NACC2: variants seen among roughly 807,000 people sequenced by gnomAD.
The protein encoded by NACC2 is nucleus accumbens-associated protein 2.
NACC2 carries 8 observed loss-of-function variants against 25.1 expected under a neutral mutation model. The observed-to-expected ratio is 0.32, with a 90% CI of 0.19 to 0.57. The LOEUF is 0.57. Among genes scored for constraint, NACC2 ranks in the 20% least tolerant of loss-of-function variants. NACC2 has a pLI of 0.89. For synonymous variants in NACC2, 435 were observed against 294.7 expected (o/e 1.48, Z -4.88); for missense variants, 644 against 650.2 (o/e 0.99, Z 0.10).
intron 2 of NACC2, among the ~76,000 whole-genome samples, chr9:136,017,491 G>C (rs915326642): frequency 6.6e-6 from 1 of 152,100 alleles, no homozygotes; most frequent in Non-Finnish European, 1.5e-5. Flanking sequence ...GCAATGCCTG[G>C]GGCTCCCACT....
intron 1 of NACC2, among the ~76,000 whole-genome samples, chr9:136,051,734 T>C (rs1201743860): frequency 6.6e-6 from 1 of 152,010 alleles, no homozygotes; most frequent in Non-Finnish European, 1.5e-5. Flanking sequence ...AGACCTACCT[T>C]CAGCCGCTGC....
In NACC2 at chr9:136,011,373, A is replaced by T; in HGVS notation, c.*143T>A. ...TGCATTTGTTTCCTTCATCAATTTT[A>T]AATACAAGCAGAATAAAAATCACAT... On this transcript the variant is annotated 3_prime_UTR_variant, in exon 6 of 6. Transcript: ENST00000277554. 1.0e-6 allele frequency: 1 copy of T among 962,650 alleles called. No individual in the cohort carries two copies. The highest frequency in any genetic ancestry group is 1.4e-6 in the Non-Finnish European group (1 of 723,400). 59.6% of individuals were successfully genotyped at this position (962,650 alleles called of 1,614,324 possible).
chr9:136,087,827 A>G (rs1449070762), intron 1 of NACC2, among the ~76,000 whole-genome samples: 1 of 152,190 alleles, frequency 6.6e-6, no homozygotes, highest in African/African-American at 2.4e-5. Flanking sequence ...CGAGGCCCCA[A>G]GCGCCCTGTC....
chr9:136,083,723 A>G (rs1325466277), intron 1 of NACC2, among the ~76,000 whole-genome samples: 3 of 152,186 alleles, frequency 2.0e-5, no homozygotes, highest in Admixed American at 6.5e-5. Flanking sequence ...TTTGGCCTCC[A>G]CCGCTGTGCA....
intron 1 of NACC2, among the ~76,000 whole-genome samples, chr9:136,089,387 G>A (rs1262259602): frequency 3.3e-5 from 5 of 152,040 alleles, no homozygotes; most frequent in East Asian, 3.9e-4. Flanking sequence ...CCTAGCACCC[G>A]CGAAGGCCTG....
intron 2 of NACC2, among the ~76,000 whole-genome samples, chr9:136,041,783 C>G (rs1840636524): frequency 6.6e-6 from 1 of 152,168 alleles, no homozygotes; most frequent in Non-Finnish European, 1.5e-5. Flanking sequence ...GCTATTACAT[C>G]TATGAATGAC....
intron 1 of NACC2, among the ~76,000 whole-genome samples, chr9:136,069,261 T>C (rs1454689329): frequency 1.3e-5 from 2 of 151,660 alleles, no homozygotes; most frequent in African/African-American, 4.9e-5. Context: ...AAATGTATTC[T>C]ATTGACTGGG....
chr9:136,080,891 C>A (rs991258063), intron 1 of NACC2, among the ~76,000 whole-genome samples: 2 of 152,178 alleles, frequency 1.3e-5, no homozygotes, highest in Admixed American at 6.5e-5. Context: ...GCCGCCCCTG[C>A]GTGCTAGGGT....
intron 2 of NACC2, among the ~76,000 whole-genome samples, chr9:136,044,812 G>A (rs1373060630): frequency 1.3e-5 from 2 of 152,344 alleles, no homozygotes; most frequent in East Asian, 3.9e-4. Flanking sequence ...AATGGTGGGG[G>A]GTGAGTGGCT....
chr9:136,012,824 C>G (rs549203683), intron 5 of NACC2, among the ~76,000 whole-genome samples: 1 of 152,228 alleles, frequency 6.6e-6, no homozygotes, highest in Non-Finnish European at 1.5e-5. Flanking sequence ...GGAGATGGAC[C>G]GGGCTCCGCC....
In NACC2 at chr9:136,012,720, C is replaced by A. The variant is rs545704085; in HGVS notation, c.1255+479G>T. ...AGATAGTGCTTCTTGGGCCGAGGGC[C>A]ACAGGAGGCTGTGCTCTTGGCCACC... On this transcript the variant is annotated intron_variant, in intron 5 of 5. Transcript: ENST00000277554. 1.5e-3 allele frequency among the ~76,000 whole-genome samples: 225 copies of A among 150,564 alleles called. 1 individual carries two copies. Among genetic ancestry groups the A allele is most frequent in the African/African-American group, 5.1e-3 (209 of 40,828 alleles).
chr9:136,035,691 T>A (rs1840540998), intron 2 of NACC2, among the ~76,000 whole-genome samples: 1 of 149,750 alleles, frequency 6.7e-6, no homozygotes, highest in Non-Finnish European at 1.5e-5. Context: ...TGTGATTATA[T>A]AAGAGAATGT....
At chr9:136,045,944 G>T (rs1286556779) in intron 2 of NACC2, among the ~76,000 whole-genome samples, 1 of 152,162 alleles carries the variant, frequency 6.6e-6, no homozygotes, top group African/African-American at 2.4e-5. Flanking sequence ...GCCTTGCCGG[G>T]GAAGCCCCGG....
intron 2 of NACC2, among the ~76,000 whole-genome samples, chr9:136,031,543 G>A (rs981466565): frequency 3.9e-5 from 6 of 152,148 alleles, no homozygotes; most frequent in Middle Eastern, 3.4e-3. Context: ...TCACTGTGTC[G>A]GCCAGGCTGG....
rs1338493819 is a variant in NACC2, at chr9:136,034,812, G to T, written c.886+14824C>A. ...GGAGTTAGAAATAATCATAATTGGG[G>T]GCCAGGCACAGTGGCTCATGCCTGT... On this transcript the variant is annotated intron_variant, in intron 2 of 5. Coordinates refer to ENST00000277554, the MANE Select transcript of NACC2 (RefSeq NM_144653.5). 5.9e-5 allele frequency among the ~76,000 whole-genome samples: 9 copies of T among 152,208 alleles called. No individual in the cohort carries two copies. The East Asian group carries it at 1.5e-3, about 26-fold the overall frequency.
In NACC2 at chr9:136,013,477, G is replaced by A. The variant is rs939355621; in HGVS notation, c.1158-181C>T. 4.6e-5 allele frequency among the ~76,000 whole-genome samples: 7 copies of A among 152,234 alleles called. No individual in the cohort carries two copies. The highest frequency in any genetic ancestry group is 5.9e-5 in the Non-Finnish European group (4 of 68,048). On this transcript the variant is annotated intron_variant, in intron 4 of 5. Transcript: ENST00000277554. The surrounding 1 kb of genome is among the most constrained non-coding windows in gnomAD (Gnocchi z 6.6). Reference sequence around the variant, plus strand: ...CTAAGGGACAGGACAAAGGAAAAGCGTCTGGGCTGAGAAGATGACCGGGTG... The same window carrying A: ...CTAAGGGACAGGACAAAGGAAAAGCATCTGGGCTGAGAAGATGACCGGGTG...
At position 136,067,041 on chromosome 9, in the gene NACC2, G is replaced by A. The variant is rs1051689485; in HGVS notation, c.-59-16461C>T. Among the ~76,000 whole-genome samples, 8 of 152,092 alleles carry A rather than the reference G, an allele frequency of 5.3e-5. 1 individual carries two copies. Among genetic ancestry groups the A allele is most frequent in the Admixed American group, 3.3e-4 (5 of 15,266 alleles). On this transcript the variant is annotated intron_variant, in intron 1 of 5. Coordinates refer to ENST00000277554, the MANE Select transcript of NACC2 (RefSeq NM_144653.5). ...CAAGGCAGGCGGATCACCTGAGGTC[G>A]GGAGTTCGAGACCAGCCTCGGCAAG...
Position 136,010,542 on chromosome 9 carries a change from AC to A in NACC2, c.*973del, listed in dbSNP as rs1720787046. On this transcript the variant is annotated 3_prime_UTR_variant, in exon 6 of 6. Transcript: ENST00000277554. The surrounding 1 kb of genome is among the most constrained non-coding windows in gnomAD (Gnocchi z 4.9). ...GCACCCTAACGGCCACAGATGACCC[AC>A]CCCAAGCCATGGTGGGCTGGGGACA... The A allele has an allele frequency of 6.6e-6, 1 of 151,990 alleles. No homozygotes were observed. The highest frequency in any genetic ancestry group is 2.4e-5 in the African/African-American group (1 of 41,356). 9.4% of individuals were successfully genotyped at this position (151,990 alleles called of 1,614,324 possible).
chr9:136,050,611 C>T (rs1450062114), intron 1 of NACC2, 31 bp from the exon 2 acceptor site: 2 of 696,132 alleles, frequency 2.9e-6, no homozygotes, highest in East Asian at 5.4e-5. Flanking sequence ...GTGGTCAGTT[C>T]CTCCAGGTCA....
Sources: gnomAD v4.1 joint callset for allele counts (sites outside exome capture counted in the v4.1 genomes callset) on GRCh38, gnomAD v4.1.1 for gene constraint, Gnocchi (gnomAD v3.1) non-coding constraint, MANE v1.5 for transcripts, NCBI Gene and HGNC (gene_info 2026-07-23, HGNC 2026-07-21) for gene names.